Variants in EEFSEC observed in about 807,000 individuals in gnomAD.
EEFSEC encodes the protein selenocysteine-specific elongation factor.
In EEFSEC, 43 loss-of-function variants were observed where a neutral mutation model predicts 42.1. The observed-to-expected ratio is 1.02, with a 90% CI of 0.80 to 1.32. The LOEUF (loss-of-function observed/expected upper bound fraction) is 1.32, where lower values mean the gene tolerates loss of function less well. Ranked by LOEUF, EEFSEC falls within the 40% of genes most tolerant of loss-of-function variation. EEFSEC has a pLI of 0.00. For missense variants in EEFSEC, 745 were observed against 803.6 expected (o/e 0.93, Z 0.88); for synonymous variants, 354 against 339.1 (o/e 1.04, Z -0.48).
At chr3:128,303,840 A>G (rs1229738215) in intron 4 of EEFSEC, among the ~76,000 whole-genome samples, 2 of 152,038 alleles carry the variant, frequency 1.3e-5, no homozygotes, top group Non-Finnish European at 2.9e-5. Flanking sequence ...CATGTAGCCT[A>G]CCTTTATTTT....
intron 1 of EEFSEC, among the ~76,000 whole-genome samples, chr3:128,182,912 G>T (rs895902192): frequency 6.6e-6 from 1 of 151,754 alleles, no homozygotes; most frequent in African/African-American, 2.4e-5. Flanking sequence ...GTCTAGTAGT[G>T]GGGGTGGGCG....
intron 4 of EEFSEC, among the ~76,000 whole-genome samples, chr3:128,339,140 A>C (rs1210314870): frequency 6.6e-6 from 1 of 152,124 alleles, no homozygotes; most frequent in East Asian, 1.9e-4. Flanking sequence ...AGACCATTTC[A>C]GAGATGTTTT....
At chr3:128,324,034 G>A (rs55925538) in intron 4 of EEFSEC, among the ~76,000 whole-genome samples, 21,936 of 152,186 alleles carry the variant, frequency 0.14, 1,832 homozygotes, top group African/African-American at 0.23. Flanking sequence ...AAGGAGGCAC[G>A]TGTAGCCATG....
At chr3:128,391,156 G>A (rs775727449) in intron 6 of EEFSEC, among the ~76,000 whole-genome samples, 16 of 152,356 alleles carry the variant, frequency 1.1e-4, no homozygotes, top group East Asian at 5.8e-4. Flanking sequence ...GTAGGTGCTC[G>A]CTAGCATTCT....
At chr3:128,287,996 C>G (rs1193880194) in intron 4 of EEFSEC, among the ~76,000 whole-genome samples, 1 of 135,672 alleles carries the variant, frequency 7.4e-6, no homozygotes, top group Non-Finnish European at 1.6e-5. Flanking sequence ...TGAAGATACT[C>G]TGGTATGAGA....
chr3:128,211,315 A>G (rs1371106047), intron 1 of EEFSEC, among the ~76,000 whole-genome samples: 1 of 152,046 alleles, frequency 6.6e-6, no homozygotes, highest in Non-Finnish European at 1.5e-5. Flanking sequence ...GTGTAGTGGC[A>G]TGATCACAGC....
intron 1 of EEFSEC, among the ~76,000 whole-genome samples, chr3:128,188,735 C>T (rs921369371): frequency 3.9e-5 from 6 of 152,116 alleles, no homozygotes; most frequent in African/African-American, 1.4e-4. Flanking sequence ...CCGGGGCTGC[C>T]TCATCTGCAA....
chr3:128,216,426 T>C (rs73195219), intron 1 of EEFSEC, among the ~76,000 whole-genome samples: 12,028 of 152,274 alleles, frequency 0.079, 596 homozygotes, highest in Non-Finnish European at 0.12. Context: ...AAAGGATTTG[T>C]TGGGAGCAGC....
intron 1 of EEFSEC, among the ~76,000 whole-genome samples, chr3:128,166,890 G>C (rs766136787): frequency 9.9e-5 from 15 of 152,060 alleles, no homozygotes; most frequent in Non-Finnish European, 1.8e-4. Context: ...CCCTCACATA[G>C]TCTCCTTGAT....
intron 4 of EEFSEC, among the ~76,000 whole-genome samples, chr3:128,332,352 G>A (rs1040769112): frequency 1.3e-5 from 2 of 152,172 alleles, no homozygotes; most frequent in African/African-American, 4.8e-5. Flanking sequence ...GACCAGAAGT[G>A]TTTCGATTTC....
intron 4 of EEFSEC, among the ~76,000 whole-genome samples, chr3:128,320,528 G>A (rs188489035): frequency 1.4e-4 from 22 of 152,312 alleles, no homozygotes; most frequent in Non-Finnish European, 7.3e-5. Flanking sequence ...CTGGCCTGGG[G>A]TCACGTAGCT....
intron 1 of EEFSEC, among the ~76,000 whole-genome samples, chr3:128,186,761 C>A (rs192372148): frequency 2.2e-4 from 33 of 152,120 alleles, no homozygotes; most frequent in Non-Finnish European, 4.1e-4. Flanking sequence ...CTCAATATTT[C>A]ATTGATTTAT....
At chr3:128,401,718 G>C (rs1222075624) in intron 6 of EEFSEC, among the ~76,000 whole-genome samples, 1 of 152,174 alleles carries the variant, frequency 6.6e-6, no homozygotes, top group Non-Finnish European at 1.5e-5. Context: ...GGACCCTAGA[G>C]CAATCCTTGG....
intron 1 of EEFSEC, among the ~76,000 whole-genome samples, chr3:128,245,500 G>A (rs758213199): frequency 1.8e-4 from 28 of 152,206 alleles, no homozygotes; most frequent in Non-Finnish European, 2.9e-4. Context: ...GAGGAGAGGA[G>A]GCTGGACAGG....
At chr3:128,416,156 G>A in the EEFSEC span, among the ~76,000 whole-genome samples, 10 of 152,300 alleles carry the variant, frequency 6.6e-5, no homozygotes, top group South Asian at 4.1e-4. Flanking sequence ...AGCATCTCCC[G>A]GTGGCCGGAA....
chr3:128,360,127 C>T (rs569001688), intron 6 of EEFSEC, among the ~76,000 whole-genome samples: 185 of 152,350 alleles, frequency 1.2e-3, no homozygotes, highest in African/African-American at 4.0e-3. Context: ...AGGCCTCCAG[C>T]GGTGAAGCTC....
At position 128,274,763 on chromosome 3, in the gene EEFSEC, A is replaced by T. The variant is rs2999062; in HGVS notation, c.786+9982A>T. Among the ~76,000 whole-genome samples, 314 of 152,290 alleles carry T rather than the reference A, an allele frequency of 2.1e-3. 1 individual carries two copies. The highest frequency in any genetic ancestry group is 7.4e-3 in the African/African-American group (307 of 41,548). Reference sequence around the variant, plus strand: ...TCCACTGTGCCCTGCAGGAACACAGAGTCTTGGGTCCCAGGCATAAACGGC... The same window carrying T: ...TCCACTGTGCCCTGCAGGAACACAGTGTCTTGGGTCCCAGGCATAAACGGC... On this transcript the variant is annotated intron_variant, in intron 4 of 6. Coordinates refer to ENST00000254730, the MANE Select transcript of EEFSEC (RefSeq NM_021937.5).
chr3:128,401,298 C>T (rs2068045513), intron 6 of EEFSEC, among the ~76,000 whole-genome samples: 1 of 152,230 alleles, frequency 6.6e-6, no homozygotes, highest in African/African-American at 2.4e-5. Context: ...CTGTCCTGCA[C>T]CCCTGCTGTG....
chr3:128,238,504 G>C (rs1256887190), intron 1 of EEFSEC, among the ~76,000 whole-genome samples: 5 of 152,304 alleles, frequency 3.3e-5, no homozygotes, highest in South Asian at 2.1e-4. Context: ...CACAGTGGCT[G>C]TTATTCGGGG....
Sources: gnomAD v4.1 joint callset for allele counts (sites outside exome capture counted in the v4.1 genomes callset) on GRCh38, gnomAD v4.1.1 for gene constraint, MANE v1.5 for transcripts, NCBI Gene and HGNC (gene_info 2026-07-23, HGNC 2026-07-21) for gene names.